The following MYO19 variants were observed in gnomAD, a reference collection of about 807,000 sequenced individuals.
The protein encoded by MYO19 is myosin XIX, also known as unconventional myosin-XIX.
In MYO19, 132 loss-of-function variants were observed where a neutral mutation model predicts 129.2. The observed-to-expected ratio is 1.02, with a 90% confidence interval of 0.89 to 1.18. The LOEUF (loss-of-function observed/expected upper bound fraction) is 1.18, where lower values mean the gene tolerates loss of function less well. Among genes scored for constraint, MYO19 ranks in the 50% most tolerant of loss-of-function variants. The probability of loss-of-function intolerance (pLI) is 0.00; values close to 1 mark genes in which losing one functional copy is unlikely to be tolerated. For synonymous variants in MYO19, 531 were observed against 477.2 expected (o/e 1.11, Z -1.47); for missense variants, 1,210 against 1,216.7 (o/e 0.99, Z 0.08).
chr17:36,497,389 G>GA (rs886938719), intron 25 of MYO19, among the ~76,000 whole-genome samples: 1 of 151,426 alleles, frequency 6.6e-6, no homozygotes, highest in Non-Finnish European at 1.5e-5. Context: ...GCCAGAAAAG[G>GA]AAAAAACCAA....
At chr17:36,497,913 C>CCT (rs1340215154) in intron 25 of MYO19, 1 of 255,122 alleles carries the variant, frequency 3.9e-6, no homozygotes, top group East Asian at 8.2e-5. Context: ...ACCTCCTGCT[C>CCT]CTGACTCATC....
intron 6 of MYO19, among the ~76,000 whole-genome samples, chr17:36,518,538 ATATATATATATATATG>A (rs1464791142): frequency 6.9e-5 from 7 of 101,064 alleles, no homozygotes; most frequent in Admixed American, 1.1e-4. Flanking sequence ...ATATATATAT[ATATATATATATATATG>A]TGTATGTGTA....
At chr17:36,520,288 TTC>T (rs2073056790) in intron 6 of MYO19, among the ~76,000 whole-genome samples, 2 of 152,178 alleles carry the variant, frequency 1.3e-5, no homozygotes, top group Admixed American at 1.3e-4. Context: ...TAAGATTTTT[TTC>T]TTATATTTAG....
intron 20 of MYO19, 120 bp from the exon 21 acceptor site, chr17:36,503,320 TC>T: frequency 1.3e-6 from 1 of 756,320 alleles, no homozygotes; most frequent in Non-Finnish European, 2.3e-6. Flanking sequence ...GGTGCTGCCC[TC>T]CCCGAGTATC....
chr17:36,516,132 GC>G, intron 6 of MYO19, 142 bp from the exon 7 acceptor site: 1 of 982,054 alleles, frequency 1.0e-6, no homozygotes, highest in Non-Finnish European at 1.4e-6. Context: ...TTCAACCCTG[GC>G]CTCAGGCAAG....
chr17:36,512,319 G>C (rs1310281394), intron 11 of MYO19, among the ~76,000 whole-genome samples: 1 of 150,584 alleles, frequency 6.6e-6, no homozygotes, highest in African/African-American at 2.5e-5. Context: ...AACCCGGGAA[G>C]AGGAGGTTGC....
chr17:36,538,230 A>T (rs1233601118), upstream of MYO19: 1 of 1,613,012 alleles, frequency 6.2e-7, no homozygotes, highest in African/African-American at 1.3e-5. Context: ...TTGTATTTGG[A>T]TAGTTGCTTC....
At chr17:36,505,439 AGGGGCTGCCCAGG>A (rs776944940) in intron 18 of MYO19, 35 bp from the exon 19 acceptor site, 3 of 1,557,326 alleles carry the variant, frequency 1.9e-6, no homozygotes, top group Non-Finnish European at 1.8e-6. Context: ...AGGCAGGGAG[AGGGGCTGCCCAGG>A]GCCATCAACT....
chr17:36,505,447 C>T (rs2071818832), intron 18 of MYO19, 43 bp from the exon 19 acceptor site: 2 of 1,497,482 alleles, frequency 1.3e-6, no homozygotes, highest in Non-Finnish European at 1.9e-6. Context: ...AGAGGGGCTG[C>T]CCAGGGCCAT....
intron 19 of MYO19, 41 bp from the exon 20 acceptor site, chr17:36,504,061 G>C: frequency 6.9e-7 from 1 of 1,443,218 alleles, no homozygotes; most frequent in Non-Finnish European, 9.3e-7. Flanking sequence ...TGCAGCATGG[G>C]GCCAGCAGGC....
chr17:36,507,253 T>C lies in MYO19; in HGVS notation c.1468-114A>G, dbSNP rs902365046. 3 of 1,471,742 alleles carry C rather than the reference T, an allele frequency of 2.0e-6. No individual in the cohort carries two copies. In the African/African-American group the frequency reaches 4.2e-5, roughly 20 times the overall value. 91.2% of individuals were successfully genotyped at this position (1,471,742 alleles called of 1,614,324 possible). ...CAGACATCACACAGGCATCATAGTGTCCCCAACAGAAAAAATATAGCAATT... is the reference window on the plus strand; with the variant it reads ...CAGACATCACACAGGCATCATAGTGCCCCCAACAGAAAAAATATAGCAATT... On this transcript the variant is annotated intron_variant, in intron 16 of 25. Coordinates refer to ENST00000614623, the MANE Select transcript of MYO19 (RefSeq NM_001163735.2).
At chr17:36,501,330 G>A in intron 21 of MYO19, 95 bp from the exon 22 acceptor site, 8 of 1,300,182 alleles carry the variant, frequency 6.2e-6, no homozygotes, top group Non-Finnish European at 8.4e-6. Flanking sequence ...CACTCTACAG[G>A]TCTCTTTCCT....
Position 36,507,915 on chromosome 17 carries a change from T to A in MYO19, c.1241A>T (p.Asp414Val). ...DSWTTFIGLLDVYGFESFPDN... is the reference protein window; with the variant it reads ...DSWTTFIGLLVVYGFESFPDN... ...AGGAAATGATTCAAATCCATACACA[T>A]CCAGCAGGCCTGGGAAGATGGCAGA... The change falls in exon 15 of 26, where the codon GAT becomes GTT. Residue 414 changes from aspartate to valine, a missense_variant. Physicochemically the swap from Asp to Val is radical, Grantham distance 152. Coordinates refer to ENST00000614623, the MANE Select transcript of MYO19 (RefSeq NM_001163735.2). 3 of 1,605,270 alleles carry A rather than the reference T, an allele frequency of 1.9e-6. No homozygotes were observed. The highest frequency in any genetic ancestry group is 8.5e-7 in the Non-Finnish European group (1 of 1,173,622).
upstream of MYO19, among the ~76,000 whole-genome samples, chr17:36,539,585 GA>G (rs1212961740): frequency 1.4e-5 from 2 of 146,810 alleles, no homozygotes; most frequent in Non-Finnish European, 3.0e-5. Flanking sequence ...ACCATCCTGG[GA>G]AACAGTGAGA....
intron 23 of MYO19, 73 bp from the exon 24 acceptor site, chr17:36,499,233 C>G: frequency 9.6e-7 from 1 of 1,040,838 alleles, no homozygotes; most frequent in Non-Finnish European, 1.4e-6. Context: ...CTCGCTGCAG[C>G]AGCACCACAG....
At chr17:36,531,635 C>G (rs1264836555) in intron 3 of MYO19, among the ~76,000 whole-genome samples, 1 of 151,850 alleles carries the variant, frequency 6.6e-6, no homozygotes, top group Non-Finnish European at 1.5e-5. Flanking sequence ...AGAAAAAAGC[C>G]CAGAGCAGTC....
intron 19 of MYO19, chr17:36,504,912 CAAA>C (rs35146983): frequency 0.021 from 3,850 of 186,812 alleles, no homozygotes; most frequent in South Asian, 0.039. Context: ...GGCTCAGTCT[CAAA>C]AAAAAAAAAA....
At chr17:36,537,309 G>T, upstream of MYO19, 1 of 1,613,760 alleles carries the variant, frequency 6.2e-7, no homozygotes, top group Non-Finnish European at 8.5e-7. Context: ...TCCCATGGTA[G>T]CCACTTTGAC....
chr17:36,512,797 TGA>T, intron 11 of MYO19: 1 of 1,284,414 alleles, frequency 7.8e-7, no homozygotes, highest in Non-Finnish European at 1.0e-6. Context: ...GTGAGGAAGA[TGA>T]GAGGAGGTAG....
Sources: allele counts gnomAD v4.1 joint callset (sites outside exome capture counted in the v4.1 genomes callset), GRCh38; gene constraint gnomAD v4.1.1; transcripts MANE v1.5; gene names NCBI Gene and HGNC (gene_info 2026-07-23, HGNC 2026-07-21).